The following TLN2 variants were observed in gnomAD, a reference collection of about 807,000 sequenced individuals.
The protein encoded by TLN2 is talin 2.
A neutral mutation model predicts 294.7 loss-of-function variants in TLN2; 118 were observed. The observed-to-expected ratio is 0.40, with a 90% CI of 0.34 to 0.47. The LOEUF is 0.47. TLN2 is among the 20% of genes least tolerant of loss of function. The pLI is 0.84. For synonymous variants in TLN2, 1,431 were observed against 1,304.5 expected (o/e 1.10, Z -2.09); for missense variants, 3,083 against 3,282.2 (o/e 0.94, Z 1.48).
intron 21 of TLN2, among the ~76,000 whole-genome samples, chr15:62,709,363 A>C (rs751447556): frequency 6.6e-6 from 1 of 152,200 alleles, no homozygotes; most frequent in Non-Finnish European, 1.5e-5. Context: ...GGTGGTGGCT[A>C]GTTACCTGGT....
intron 1 of TLN2, among the ~76,000 whole-genome samples, chr15:62,524,136 A>C (rs533020608): frequency 7.9e-5 from 12 of 152,346 alleles, no homozygotes; most frequent in East Asian, 5.8e-4. Context: ...GAGAGCCCTG[A>C]AAACCACCTG....
intron 3 of TLN2, among the ~76,000 whole-genome samples, chr15:62,641,189 G>A (rs1334566334): frequency 6.6e-6 from 1 of 152,116 alleles, no homozygotes; most frequent in African/African-American, 2.4e-5. Context: ...GCCCCCTAAT[G>A]CCTGTTAGGT....
At chr15:62,710,146 TTTTG>T (rs1595745165) in intron 21 of TLN2, among the ~76,000 whole-genome samples, 2 of 152,246 alleles carry the variant, frequency 1.3e-5, no homozygotes, top group South Asian at 2.1e-4. Flanking sequence ...CATTTAGTTT[TTTTG>T]TTTGTTAGTT....
intron 1 of TLN2, chr15:62,561,356 C>CG (rs1441267662): frequency 1.3e-5 from 2 of 152,222 alleles, no homozygotes; most frequent in Non-Finnish European, 2.9e-5. Flanking sequence ...CCCTCCTCAG[C>CG]GGGTGTGTCT....
intron 1 of TLN2, among the ~76,000 whole-genome samples, chr15:62,511,390 G>A (rs1380913560): frequency 6.6e-6 from 1 of 152,150 alleles, no homozygotes; most frequent in East Asian, 1.9e-4. Context: ...CTGTAGTCTT[G>A]TGAAAATTTC....
intron 2 of TLN2, among the ~76,000 whole-genome samples, chr15:62,613,951 G>A (rs532032416): frequency 7.2e-5 from 11 of 152,110 alleles, no homozygotes; most frequent in Admixed American, 6.5e-4. Context: ...ATGAGTGATT[G>A]ACAGAGGAGA....
intron 2 of TLN2, among the ~76,000 whole-genome samples, chr15:62,606,322 C>T (rs1027012894): frequency 6.6e-6 from 1 of 151,366 alleles, no homozygotes; most frequent in African/African-American, 2.4e-5. Context: ...AATTCCTGAC[C>T]TCAGGCGATC....
chr15:62,641,016 G>A (rs1227362245), intron 3 of TLN2, among the ~76,000 whole-genome samples: 1 of 151,504 alleles, frequency 6.6e-6, no homozygotes. Flanking sequence ...TGGCCAGGCT[G>A]GTCTCAAACT....
intron 47 of TLN2, among the ~76,000 whole-genome samples, chr15:62,796,877 A>G (rs1376312175): frequency 1.3e-5 from 2 of 152,134 alleles, no homozygotes; most frequent in African/African-American, 4.8e-5. Flanking sequence ...GTCACTAGCT[A>G]TGGAGTATTT....
intron 20 of TLN2, 90 bp from the exon 21 acceptor site, chr15:62,708,412 C>A: frequency 7.3e-7 from 1 of 1,376,926 alleles, no homozygotes; most frequent in South Asian, 1.3e-5. Flanking sequence ...AGGCCCAGAG[C>A]AGGAAGGGCT....
At chr15:62,435,584 C>G (rs1454229676) in intron 1 of TLN2, among the ~76,000 whole-genome samples, 1 of 152,064 alleles carries the variant, frequency 6.6e-6, no homozygotes, top group Non-Finnish European at 1.5e-5. Context: ...TCTTGTCACC[C>G]AGGCTGGAGT....
chr15:62,519,827 A>C (rs1348920800), intron 1 of TLN2, among the ~76,000 whole-genome samples: 3 of 152,218 alleles, frequency 2.0e-5, no homozygotes, highest in Non-Finnish European at 2.9e-5. Context: ...TATTCCTGAA[A>C]CTTTAAAAAA....
intron 19 of TLN2, among the ~76,000 whole-genome samples, chr15:62,704,842 G>T (rs2058954911): frequency 6.6e-6 from 1 of 152,092 alleles, no homozygotes; most frequent in Non-Finnish European, 1.5e-5. Flanking sequence ...TTTATATTAG[G>T]GCAGGTAATT....
rs2140927476 is a variant in TLN2, at chr15:62,724,957, T to G, written c.3127-19T>G. The G allele has an allele frequency of 6.2e-7, 1 of 1,606,258 alleles. No individual in the cohort carries two copies. Among genetic ancestry groups the G allele is most frequent in the East Asian group, 2.2e-5 (1 of 44,640 alleles). ...TTCCCAAGCAGACTGGGTATACATA[T>G]TTCCAACTCTGTTGGCAGGCCCATG... On this transcript the variant is annotated intron_variant, in intron 26 of 58. Coordinates refer to ENST00000636159, the MANE Select transcript of TLN2 (RefSeq NM_015059.3).
chr15:62,410,547 T>G lies in TLN2; in HGVS notation c.-238+19862T>G, dbSNP rs558591764. Among the ~76,000 whole-genome samples the G allele has an allele frequency of 1.4e-4, 22 of 152,376 alleles. No homozygotes were observed. The East Asian group carries it at 3.5e-3, about 24-fold the overall frequency. On this transcript the variant is annotated intron_variant, in intron 1 of 58. Transcript: ENST00000636159. ...AAGTAAAGATTCCTTTTGTGAAGCA[T>G]GTATTCCCTCAAGGACCCTCTCTGT...
At chr15:62,561,021 A>G (rs1427175815) in intron 1 of TLN2, among the ~76,000 whole-genome samples, 1 of 152,214 alleles carries the variant, frequency 6.6e-6, no homozygotes, top group Non-Finnish European at 1.5e-5. Context: ...CTTCCTCTAC[A>G]CAGAAGGAAA....
intron 1 of TLN2, among the ~76,000 whole-genome samples, chr15:62,531,004 A>G (rs568331766): frequency 4.6e-5 from 7 of 152,190 alleles, no homozygotes; most frequent in African/African-American, 1.2e-4. Context: ...AATTTTTCCT[A>G]TATCATTTGT....
At chr15:62,550,835 G>A (rs2042254886) in intron 1 of TLN2, among the ~76,000 whole-genome samples, 1 of 152,170 alleles carries the variant, frequency 6.6e-6, no homozygotes, top group Admixed American at 6.5e-5. Context: ...TTTTGTGGAA[G>A]ACAATTTTTT....
Position 62,648,545 on chromosome 15 carries a change from A to ATTTTTT in TLN2, c.136+1113_136+1118dup, listed in dbSNP as rs749151123. Among the ~76,000 whole-genome samples the ATTTTTT allele has an allele frequency of 3.3e-5, 4 of 120,652 alleles. 1 individual carries two copies. The highest frequency in any genetic ancestry group is 4.7e-4 in the East Asian group (2 of 4,234). The allele number at this position is 120,652 out of a possible 152,430, so 79.2% of individuals were successfully genotyped here. On this transcript the variant is annotated intron_variant, in intron 4 of 58. Transcript: ENST00000636159. ...CTAAAACGTGATGATGATGATGACG[A>ATTTTTT]TTTTTTTTTTTTTTTTTTTGAGATG...
Sources: allele counts gnomAD v4.1 joint callset (sites outside exome capture counted in the v4.1 genomes callset), GRCh38; gene constraint gnomAD v4.1.1; transcripts MANE v1.5; gene names NCBI Gene and HGNC (gene_info 2026-07-23, HGNC 2026-07-21).